SLC4A4: variants seen among roughly 807,000 people sequenced by gnomAD.
SLC4A4 encodes the protein electrogenic sodium bicarbonate cotransporter 1.
In SLC4A4, 27 loss-of-function variants were observed where a neutral mutation model predicts 111.5. That is an observed-to-expected ratio of 0.24 (90% CI 0.18 to 0.33). The LOEUF (loss-of-function observed/expected upper bound fraction) is 0.33. SLC4A4 is among the 10% of genes least tolerant of loss of function. The pLI, the probability that SLC4A4 is intolerant of heterozygous loss-of-function variation, is 1.00. For missense variants in SLC4A4, 909 were observed against 1,315.5 expected (o/e 0.69, Z 4.78); for synonymous variants, 443 against 463.4 (o/e 0.96, Z 0.57).
chr4:71,355,998 G>A (rs1730257233), intron 5 of SLC4A4, among the ~76,000 whole-genome samples: 1 of 152,204 alleles, frequency 6.6e-6, no homozygotes, highest in African/African-American at 2.4e-5. Flanking sequence ...AGGACAAAAG[G>A]TCTACTTGCA....
chr4:71,207,447 A>G (rs527312372), intron 1 of SLC4A4, among the ~76,000 whole-genome samples: 1 of 152,382 alleles, frequency 6.6e-6, no homozygotes, highest in Non-Finnish European at 1.5e-5. Flanking sequence ...AAAGCAAAGT[A>G]TATCTATAGG....
chr4:71,127,078 C>G (rs912481855), intron 2 of SLC4A4, among the ~76,000 whole-genome samples: 3 of 152,208 alleles, frequency 2.0e-5, no homozygotes, highest in African/African-American at 7.2e-5. Flanking sequence ...TCCTCTTATT[C>G]AGACCCCAAA....
intron 16 of SLC4A4, among the ~76,000 whole-genome samples, chr4:71,514,513 A>C (rs1732205396): frequency 6.6e-6 from 1 of 152,184 alleles, no homozygotes; most frequent in African/African-American, 2.4e-5. Flanking sequence ...GTAATGCGAT[A>C]ATTGACTAAT....
At chr4:71,080,159 T>C (rs1047966337) in intron 1 of SLC4A4, among the ~76,000 whole-genome samples, 3 of 152,002 alleles carry the variant, frequency 2.0e-5, no homozygotes, top group Non-Finnish European at 4.4e-5. Context: ...ACAGCAGGAG[T>C]GCAGCATGCA....
chr4:71,082,922 C>T (rs192503513), intron 1 of SLC4A4, among the ~76,000 whole-genome samples: 6 of 151,496 alleles, frequency 4.0e-5, no homozygotes, highest in Admixed American at 2.6e-4. Context: ...CACAGGATCG[C>T]GGCTCACTGT....
intron 1 of SLC4A4, among the ~76,000 whole-genome samples, chr4:71,070,377 G>A (rs111785110): frequency 5.9e-5 from 9 of 152,234 alleles, no homozygotes; most frequent in African/African-American, 1.4e-4. Context: ...CTTGTCAGAC[G>A]AGTCTACAAT....
chr4:71,450,396 A>G lies in SLC4A4; in HGVS notation c.1061A>G (p.His354Arg), dbSNP rs1348902362. The G allele has an allele frequency of 4.3e-5, 69 of 1,608,940 alleles. No homozygotes were observed. Among genetic ancestry groups the G allele is most frequent in the Non-Finnish European group, 5.7e-5 (67 of 1,175,454 alleles). The change falls in exon 10 of 26, where the codon CAT becomes CGT. Residue 354 changes from histidine to arginine, a missense_variant. Physicochemically the swap from His to Arg is conservative, Grantham distance 29. This residue lies in a region of SLC4A4 where 312 missense variants were observed against 402.0 expected (regional missense o/e 0.78). Coordinates refer to ENST00000264485, the MANE Select transcript of SLC4A4 (RefSeq NM_001098484.3). ...TCTTTTATTATTCTTTAGGTGTTCC[A>G]TGACATTGCTTATAAAGCAAAAGAC... ...IATLMSDEVF[H>R]DIAYKAKDRH...
chr4:71,489,101 A>G (rs748451041), intron 15 of SLC4A4, among the ~76,000 whole-genome samples: 1 of 151,746 alleles, frequency 6.6e-6, no homozygotes, highest in African/African-American at 2.4e-5. Flanking sequence ...TGAGGCACCT[A>G]CTAGGTGCCA....
intron 7 of SLC4A4, among the ~76,000 whole-genome samples, chr4:71,420,034 C>A (rs1722270666): frequency 6.6e-6 from 1 of 152,140 alleles, no homozygotes; most frequent in Admixed American, 6.5e-5. Flanking sequence ...GACGATCAAA[C>A]AACGAGCTAC....
intron 2 of SLC4A4, among the ~76,000 whole-genome samples, chr4:71,167,139 G>A (rs1472371727): frequency 7.9e-5 from 12 of 152,040 alleles, no homozygotes; most frequent in African/African-American, 2.4e-4. Flanking sequence ...GCAGGGAGTC[G>A]GAATCATTTG....
In SLC4A4 at chr4:71,475,347, A is replaced by T. The variant is rs1372863721; in HGVS notation, c.1903+2377A>T. On this transcript the variant is annotated intron_variant, in intron 14 of 25. Transcript: ENST00000264485. ...ACATGAAACCAAGGAAGACATATCT[A>T]AATGTGTTCAAATTATAAAAAGTAC... 2.6e-5 allele frequency among the ~76,000 whole-genome samples: 4 copies of T among 151,998 alleles called. No homozygotes were observed. In the East Asian group the frequency reaches 7.8e-4, roughly 30 times the overall value.
At chr4:71,186,784 C>G (rs1192591105), upstream of SLC4A4, 1 of 152,296 alleles carries the variant, frequency 6.6e-6, no homozygotes, top group Non-Finnish European at 1.5e-5. Flanking sequence ...TCCGCCGCGG[C>G]CGCCTTCCGT....
At chr4:71,529,168 T>C (rs182116546) in intron 16 of SLC4A4, among the ~76,000 whole-genome samples, 1 of 152,164 alleles carries the variant, frequency 6.6e-6, no homozygotes, top group Admixed American at 6.5e-5. Context: ...AAGAGAATAA[T>C]TTGAAAAACA....
intron 1 of SLC4A4, among the ~76,000 whole-genome samples, chr4:71,071,897 A>T (rs1741673922): frequency 6.6e-6 from 1 of 152,232 alleles, no homozygotes; most frequent in South Asian, 2.1e-4. Context: ...TGTATGAAAT[A>T]AATTCCTAGA....
chr4:71,549,717 C>T (rs1560611719), intron 20 of SLC4A4, among the ~76,000 whole-genome samples: 1 of 151,614 alleles, frequency 6.6e-6, no homozygotes, highest in Non-Finnish European at 1.5e-5. Flanking sequence ...TGGATGATTC[C>T]AAGGGGACAC....
At chr4:71,468,661 A>G (rs1361126833) in intron 13 of SLC4A4, among the ~76,000 whole-genome samples, 2 of 151,862 alleles carry the variant, frequency 1.3e-5, no homozygotes, top group Non-Finnish European at 2.9e-5. Context: ...TTCTGTCTAG[A>G]TACAAAATAT....
In SLC4A4 at chr4:71,274,325, G is replaced by T. The variant is rs1166033717; in HGVS notation, c.253+18926G>T. On this transcript the variant is annotated intron_variant, in intron 3 of 25. Coordinates refer to ENST00000264485, the MANE Select transcript of SLC4A4 (RefSeq NM_001098484.3). Reference sequence around the variant, plus strand: ...AGCGGATGGTCTTGCTGTCTCAGGGGTGACAGAGGAAGAAGAAAATTTGCA... The same window carrying T: ...AGCGGATGGTCTTGCTGTCTCAGGGTTGACAGAGGAAGAAGAAAATTTGCA... 5.9e-5 allele frequency among the ~76,000 whole-genome samples: 9 copies of T among 152,112 alleles called. No individual in the cohort carries two copies. The East Asian group carries it at 1.7e-3, about 29-fold the overall frequency.
intron 3 of SLC4A4, among the ~76,000 whole-genome samples, chr4:71,331,776 T>A (rs1456339922): frequency 6.6e-6 from 1 of 152,112 alleles, no homozygotes; most frequent in Non-Finnish European, 1.5e-5. Context: ...GCATTAGTTC[T>A]TCTTTAAATT....
intron 1 of SLC4A4, among the ~76,000 whole-genome samples, chr4:71,080,186 C>T (rs942093526): frequency 4.6e-5 from 7 of 152,064 alleles, no homozygotes; most frequent in African/African-American, 1.7e-4. Context: ...TCTCCTGGTC[C>T]CCATGTGATC....
Sources: gnomAD v4.1 joint callset for allele counts (sites outside exome capture counted in the v4.1 genomes callset) on GRCh38, gnomAD v4.1.1 for gene constraint, gnomAD v4.1.1 regional missense constraint, MANE v1.5 for transcripts, NCBI Gene and HGNC (gene_info 2026-07-23, HGNC 2026-07-21) for gene names.